ATRNL1: variants seen among roughly 807,000 people sequenced by gnomAD.
ATRNL1 encodes attractin like 1.
ATRNL1 carries 95 observed loss-of-function variants against 182.7 expected under a neutral mutation model. The observed-to-expected ratio is 0.52, with a 90% CI of 0.44 to 0.62. ATRNL1 has a LOEUF of 0.62. ATRNL1 is among the 20% of genes least tolerant of loss of function. The pLI is 0.00. For missense variants in ATRNL1, 1,471 were observed against 1,679.5 expected (o/e 0.88, Z 2.17); for synonymous variants, 576 against 568.3 (o/e 1.01, Z -0.19).
intron 27 of ATRNL1, among the ~76,000 whole-genome samples, chr10:115,798,492 A>G (rs1949712835): frequency 2.0e-5 from 3 of 152,176 alleles, no homozygotes; most frequent in African/African-American, 7.2e-5. Flanking sequence ...GCTTTCATGC[A>G]CCATACCAAA....
At chr10:115,654,233 T>C (rs1593014645) in intron 26 of ATRNL1, among the ~76,000 whole-genome samples, 1 of 151,716 alleles carries the variant, frequency 6.6e-6, no homozygotes, top group East Asian at 1.9e-4. Flanking sequence ...TTTTTTTTTG[T>C]TTTTGAGATG....
chr10:115,644,309 T>C (rs187502767), intron 26 of ATRNL1, among the ~76,000 whole-genome samples: 2 of 152,270 alleles, frequency 1.3e-5, no homozygotes, highest in East Asian at 3.9e-4. Context: ...AATCTGTGTG[T>C]TCTTGGAGGC....
Position 115,751,976 on chromosome 10 carries a change from T to A in ATRNL1, c.3903+24621T>A, listed in dbSNP as rs1220747613. 2.6e-5 allele frequency among the ~76,000 whole-genome samples: 4 copies of A among 152,192 alleles called. No individual in the cohort carries two copies. The East Asian group carries it at 7.7e-4, about 29-fold the overall frequency. On this transcript the variant is annotated intron_variant, in intron 27 of 28. Transcript: ENST00000355044. ...ATGGTAGGTAGACCTAAGTGTACTTTACTTCGTAGATCTGACCCTCTAGCC... is the reference window on the plus strand; with the variant it reads ...ATGGTAGGTAGACCTAAGTGTACTTAACTTCGTAGATCTGACCCTCTAGCC...
chr10:115,841,503 G>C (rs1449242244), intron 27 of ATRNL1, among the ~76,000 whole-genome samples: 1 of 152,044 alleles, frequency 6.6e-6, no homozygotes, highest in Non-Finnish European at 1.5e-5. Context: ...TTTACGGTTG[G>C]AATACCTTCA....
chr10:115,547,829 T>G (rs578259542), intron 25 of ATRNL1, among the ~76,000 whole-genome samples: 1 of 152,344 alleles, frequency 6.6e-6, no homozygotes, highest in African/African-American at 2.4e-5. Flanking sequence ...ATGGTGACTT[T>G]CTGTTGAAAG....
intron 21 of ATRNL1, among the ~76,000 whole-genome samples, chr10:115,427,274 C>T (rs1270285308): frequency 1.3e-5 from 2 of 151,960 alleles, no homozygotes; most frequent in Admixed American, 6.6e-5. Context: ...ATATTTTATT[C>T]GATGAAGGGT....
At chr10:115,211,267 ATTTTTTCC>A (rs1849014267) in intron 8 of ATRNL1, among the ~76,000 whole-genome samples, 3 of 149,776 alleles carry the variant, frequency 2.0e-5, no homozygotes, top group Non-Finnish European at 4.4e-5. Context: ...TAATTTAAGA[ATTTTTTCC>A]CTCTTAATTC....
chr10:115,341,588 T>G (rs954403425), intron 19 of ATRNL1, among the ~76,000 whole-genome samples: 4 of 152,148 alleles, frequency 2.6e-5, no homozygotes, highest in Non-Finnish European at 5.9e-5. Flanking sequence ...AAAGATCTGT[T>G]CATAGCTGAA....
chr10:115,713,696 T>TCTAC (rs782089042), intron 26 of ATRNL1, among the ~76,000 whole-genome samples: 2 of 114,300 alleles, frequency 1.7e-5, no homozygotes, highest in African/African-American at 6.3e-5. Context: ...TATCTATCTA[T>TCTAC]CTATCTATCA....
chr10:115,602,746 A>C (rs11197332), intron 26 of ATRNL1, among the ~76,000 whole-genome samples: 74,598 of 151,454 alleles, frequency 0.49, 19,275 homozygotes, highest in African/African-American at 0.6. Flanking sequence ...ACCTGTAGTC[A>C]CAGCTACTGA....
At chr10:115,096,322 A>G (rs2085009580) in intron 1 of ATRNL1, among the ~76,000 whole-genome samples, 1 of 152,192 alleles carries the variant, frequency 6.6e-6, no homozygotes, top group Non-Finnish European at 1.5e-5. Flanking sequence ...TCTTGGGGAT[A>G]AAGAACACAT....
At chr10:115,134,353 A>G (rs1554876060) in intron 5 of ATRNL1, among the ~76,000 whole-genome samples, 2 of 152,210 alleles carry the variant, frequency 1.3e-5, no homozygotes, top group Non-Finnish European at 2.9e-5. Flanking sequence ...GATAAAGGGG[A>G]TATCACCACA....
At chr10:115,195,356 A>T (rs1407436592) in intron 8 of ATRNL1, among the ~76,000 whole-genome samples, 1 of 152,018 alleles carries the variant, frequency 6.6e-6, no homozygotes, top group African/African-American at 2.4e-5. Flanking sequence ...TGTTTGAAGG[A>T]TAATTTTGCT....
chr10:115,533,129 G>A (rs1314113901), intron 25 of ATRNL1, among the ~76,000 whole-genome samples: 2 of 152,188 alleles, frequency 1.3e-5, no homozygotes, highest in Admixed American at 6.5e-5. Context: ...AATGAGTTAG[G>A]GAGGATTCCC....
intron 15 of ATRNL1, among the ~76,000 whole-genome samples, chr10:115,288,818 G>A (rs1391706575): frequency 3.3e-5 from 5 of 152,172 alleles, no homozygotes; most frequent in South Asian, 2.1e-4. Context: ...CACCGTGTCC[G>A]GCCTGTATGT....
intron 5 of ATRNL1, among the ~76,000 whole-genome samples, chr10:115,150,792 T>C (rs1554880409): frequency 6.6e-6 from 1 of 152,218 alleles, no homozygotes. Context: ...GTTATATATG[T>C]ATACATGTGC....
chr10:115,310,214 T>G (rs998200049), intron 17 of ATRNL1, among the ~76,000 whole-genome samples: 3 of 152,186 alleles, frequency 2.0e-5, no homozygotes, highest in African/African-American at 4.8e-5. Context: ...CATGATGAAT[T>G]ATCTTTTTGA....
chr10:115,555,393 A>T (rs1413419317), intron 26 of ATRNL1, among the ~76,000 whole-genome samples: 1 of 151,884 alleles, frequency 6.6e-6, no homozygotes, highest in Admixed American at 6.6e-5. Context: ...TTCAAAGTAT[A>T]CTCATATATA....
intron 26 of ATRNL1, among the ~76,000 whole-genome samples, chr10:115,667,289 TG>T (rs1861054856): frequency 6.6e-6 from 1 of 152,214 alleles, no homozygotes; most frequent in Non-Finnish European, 1.5e-5. Context: ...AGTTATCTAT[TG>T]TGGTGTAACG....
Sources: allele counts gnomAD v4.1 joint callset (sites outside exome capture counted in the v4.1 genomes callset), GRCh38; gene constraint gnomAD v4.1.1; transcripts MANE v1.5; gene names NCBI Gene and HGNC (gene_info 2026-07-23, HGNC 2026-07-21).